SLC35H1: variants seen among roughly 807,000 people sequenced by gnomAD.
SLC35H1 encodes the protein solute carrier family 35 member H1.
chr20:46,355,529 TA>T, the SLC35H1 span, among the ~76,000 whole-genome samples: 4 of 152,176 alleles, frequency 2.6e-5, no homozygotes, highest in Non-Finnish European at 4.4e-5. This position sits in a 1 kb window ranked among gnomAD's most constrained non-coding sequence, Gnocchi z 4.8. Flanking sequence ...CACACAGGGC[TA>T]CTGCCTCCCA....
At chr20:46,355,049 G>A in the SLC35H1 span, 6 of 1,613,900 alleles carry the variant, frequency 3.7e-6, no homozygotes, top group Non-Finnish European at 5.1e-6. The surrounding 1 kb of genome is among the most constrained non-coding windows in gnomAD (Gnocchi z 4.8). Flanking sequence ...TCCTCTCTCT[G>A]GAGGATGAGT....
At chr20:46,358,659 A>G in the SLC35H1 span, 1 of 1,552,568 alleles carries the variant, frequency 6.4e-7, no homozygotes. Context: ...ATGATTCGGA[A>G]CCATCAGCAG....
the SLC35H1 span, among the ~76,000 whole-genome samples, chr20:46,360,907 T>C: frequency 1.3e-5 from 2 of 152,210 alleles, no homozygotes; most frequent in African/African-American, 4.8e-5. Flanking sequence ...ATATGTTTCA[T>C]TTTAGGGTAA....
At chr20:46,353,423 G>A in the SLC35H1 span, among the ~76,000 whole-genome samples, 1 of 152,204 alleles carries the variant, frequency 6.6e-6, no homozygotes, top group African/African-American at 2.4e-5. Flanking sequence ...TCCTCGTGGT[G>A]TATTAGCACA....
the SLC35H1 span, chr20:46,358,526 G>A: frequency 1.4e-5 from 22 of 1,614,052 alleles, no homozygotes; most frequent in Middle Eastern, 1.6e-4. Flanking sequence ...CTGCAGCACC[G>A]GAGCTCCTGA....
chr20:46,352,573 GGATGATGGGATCCTAGCGGGAT>G, the SLC35H1 span: 67 of 223,210 alleles, frequency 3.0e-4, no homozygotes, highest in Middle Eastern at 1.5e-3. Context: ...GATCCTAGCG[GGATGATGGGATCCTAGCGGGAT>G]GATGATGGGA....
the SLC35H1 span, chr20:46,355,295 T>G: frequency 6.5e-7 from 1 of 1,545,494 alleles, no homozygotes; most frequent in Non-Finnish European, 8.7e-7. This position sits in a 1 kb window ranked among gnomAD's most constrained non-coding sequence, Gnocchi z 4.8. Flanking sequence ...GGGTCAAGGG[T>G]TCATCACATT....
chr20:46,351,001 TTACTGAAATCCTGG>T, the SLC35H1 span: 1 of 1,422,154 alleles, frequency 7.0e-7, no homozygotes, highest in Non-Finnish European at 9.6e-7. Flanking sequence ...GATCAAGATC[TTACTGAAATCCTGG>T]GCCCAGGCAG....
the SLC35H1 span, chr20:46,356,448 G>C: frequency 2.2e-6 from 2 of 919,556 alleles, no homozygotes; most frequent in Non-Finnish European, 3.4e-6. Flanking sequence ...GGGAGAGGCT[G>C]AGAGAGCAAG....
chr20:46,356,487 G>A, the SLC35H1 span: 4 of 1,351,758 alleles, frequency 3.0e-6, no homozygotes, highest in Non-Finnish European at 4.2e-6. Context: ...GGAGTGGCTG[G>A]CCTAGCAGCC....
the SLC35H1 span, chr20:46,351,020 A>T: frequency 2.4e-6 from 3 of 1,239,678 alleles, no homozygotes; most frequent in Non-Finnish European, 3.4e-6. Flanking sequence ...TCCTGGGCCC[A>T]GGCAGGCAGA....
the SLC35H1 span, chr20:46,355,170 C>T: frequency 6.2e-7 from 1 of 1,614,130 alleles, no homozygotes; most frequent in South Asian, 1.1e-5. This position sits in a 1 kb window ranked among gnomAD's most constrained non-coding sequence, Gnocchi z 4.8. Context: ...CCACGTTGAA[C>T]TGTGTGGACT....
At chr20:46,355,003 G>GGCCCT in the SLC35H1 span, 2 of 1,613,676 alleles carry the variant, frequency 1.2e-6, no homozygotes, top group South Asian at 2.2e-5. This position sits in a 1 kb window ranked among gnomAD's most constrained non-coding sequence, Gnocchi z 4.8. Context: ...GGTCTGGTCC[G>GGCCCT]GCCCTGCCCT....
chr20:46,356,576 C>A, the SLC35H1 span: 2 of 1,614,048 alleles, frequency 1.2e-6, no homozygotes, highest in Admixed American at 3.3e-5. Context: ...GTACTCACAG[C>A]GAGACGGTGA....
At chr20:46,358,646 T>C in the SLC35H1 span, 1 of 1,554,812 alleles carries the variant, frequency 6.4e-7, no homozygotes, top group Non-Finnish European at 8.7e-7. Flanking sequence ...TCTCTGCAGC[T>C]CCATGATTCG....
the SLC35H1 span, chr20:46,350,716 GAGA>G: frequency 6.2e-6 from 10 of 1,605,764 alleles, no homozygotes; most frequent in South Asian, 1.1e-5. Flanking sequence ...GAGTCACAGG[GAGA>G]AGAACAGAAA....
the SLC35H1 span, chr20:46,356,631 G>A: frequency 5.1e-5 from 83 of 1,613,632 alleles, no homozygotes; most frequent in Non-Finnish European, 6.5e-5. Flanking sequence ...AAGCGCCGTC[G>A]CCAGAGCTGT....
chr20:46,355,274 G>A, the SLC35H1 span: 15 of 1,587,374 alleles, frequency 9.4e-6, no homozygotes, highest in Admixed American at 1.8e-5. The surrounding 1 kb of genome is among the most constrained non-coding windows in gnomAD (Gnocchi z 4.8). Context: ...CAGCTAACTC[G>A]GGGGTCTTGA....
the SLC35H1 span, chr20:46,352,493 C>T: frequency 2.2e-5 from 9 of 408,866 alleles, no homozygotes; most frequent in South Asian, 9.9e-5. Context: ...CGGATCCTAG[C>T]GGGATGATGG....
Sources: allele counts gnomAD v4.1 joint callset (sites outside exome capture counted in the v4.1 genomes callset), GRCh38; gene constraint gnomAD v4.1.1; non-coding constraint Gnocchi (gnomAD v3.1); transcripts MANE v1.5; gene names NCBI Gene and HGNC (gene_info 2026-07-23, HGNC 2026-07-21).